Variants in CCDC178 observed in about 807,000 individuals in gnomAD.
The protein encoded by CCDC178 is coiled-coil domain containing 178.
CCDC178 carries 126 observed loss-of-function variants against 117.4 expected under a neutral mutation model. The ratio of observed to expected loss-of-function variants is 1.07; its 90% CI spans 0.93 to 1.24. The LOEUF is 1.24. Ranked by LOEUF, CCDC178 falls within the 50% of genes most tolerant of loss-of-function variation. CCDC178 has a pLI of 0.00. For synonymous variants in CCDC178, 283 were observed against 313.4 expected, an observed-to-expected ratio of 0.90 and a Z score of 1.02; for missense variants, 1,030 against 986.9, an observed-to-expected ratio of 1.04 and a Z score of -0.59.
intron 3 of CCDC178, among the ~76,000 whole-genome samples, chr18:33,403,037 TCACC>T (rs1480402148): frequency 6.6e-6 from 1 of 152,168 alleles, no homozygotes; most frequent in Non-Finnish European, 1.5e-5. Flanking sequence ...GTCTCATCTC[TCACC>T]CATATAACCA....
intron 21 of CCDC178, among the ~76,000 whole-genome samples, chr18:33,076,104 T>C (rs1212212676): frequency 6.6e-6 from 1 of 152,248 alleles, no homozygotes; most frequent in Non-Finnish European, 1.5e-5. Context: ...TTCTTTATTC[T>C]TGAAATTTAT....
At chr18:33,086,784 T>C (rs1314600548) in intron 21 of CCDC178, among the ~76,000 whole-genome samples, 1 of 152,054 alleles carries the variant, frequency 6.6e-6, no homozygotes, top group African/African-American at 2.4e-5. Context: ...CTCAGCTCTA[T>C]TGACATTTGG....
chr18:33,388,134 T>C (rs2063519556), intron 5 of CCDC178, among the ~76,000 whole-genome samples: 1 of 152,044 alleles, frequency 6.6e-6, no homozygotes, highest in Admixed American at 6.6e-5. Context: ...CACTGATCAT[T>C]AGAGAAATGC....
At chr18:33,148,294 C>T (rs911767571) in intron 20 of CCDC178, among the ~76,000 whole-genome samples, 7 of 152,154 alleles carry the variant, frequency 4.6e-5, no homozygotes, top group African/African-American at 1.2e-4. Flanking sequence ...CGTGGCGGCG[C>T]GTGCCTGCAA....
chr18:33,073,888 G>A (rs929506442), intron 21 of CCDC178, among the ~76,000 whole-genome samples: 1 of 152,130 alleles, frequency 6.6e-6, no homozygotes, highest in African/African-American at 2.4e-5. Context: ...TGGGAAGGCT[G>A]CTCTAAGGAA....
intron 20 of CCDC178, among the ~76,000 whole-genome samples, chr18:33,149,343 C>T (rs2058313308): frequency 6.6e-6 from 1 of 152,114 alleles, no homozygotes. Flanking sequence ...TCAATTTGTA[C>T]CCCAAATTCC....
At chr18:33,253,578 G>A (rs992317942) in intron 14 of CCDC178, among the ~76,000 whole-genome samples, 1 of 151,826 alleles carries the variant, frequency 6.6e-6, no homozygotes, top group Non-Finnish European at 1.5e-5. Context: ...AAAGGAGAGA[G>A]TAAGAAGAAC....
chr18:33,211,923 T>C lies in CCDC178; in HGVS notation c.2211A>G (p.Val737=). Residue 737 remains valine (V), a synonymous_variant, in exon 20 of 23, where the codon GTA becomes GTG. Transcript: ENST00000383096. ...EDQRFRVLLA[V]RQKTLQDTQK... ...GGGTATCTTGAAGAGTTTTTTGTCTTACAGCAAGGAGCACTCTAAATCTCT... is the reference window on the plus strand; with the variant it reads ...GGGTATCTTGAAGAGTTTTTTGTCTCACAGCAAGGAGCACTCTAAATCTCT... The C allele has an allele frequency of 6.2e-7, 1 of 1,606,874 alleles. No homozygotes were observed. The highest frequency in any genetic ancestry group is 1.7e-5 in the Admixed American group (1 of 58,686).
intron 6 of CCDC178, among the ~76,000 whole-genome samples, chr18:33,366,702 A>T (rs1358418784): frequency 6.6e-6 from 1 of 152,022 alleles, no homozygotes; most frequent in African/African-American, 2.4e-5. Flanking sequence ...ATTATATGTA[A>T]CTGGGGTGAA....
intron 12 of CCDC178, among the ~76,000 whole-genome samples, chr18:33,286,624 T>A (rs2060101552): frequency 6.6e-6 from 1 of 152,268 alleles, no homozygotes; most frequent in South Asian, 2.1e-4. Flanking sequence ...ATGTTAGTAA[T>A]GTAAATTAGA....
chr18:33,297,846 C>T (rs948720163), intron 11 of CCDC178, among the ~76,000 whole-genome samples: 1 of 152,028 alleles, frequency 6.6e-6, no homozygotes, highest in Admixed American at 6.6e-5. Context: ...TGGAGACCAT[C>T]CTGGCTAACA....
intron 20 of CCDC178, among the ~76,000 whole-genome samples, chr18:33,104,537 T>A (rs2057677391): frequency 6.6e-6 from 1 of 151,772 alleles, no homozygotes; most frequent in South Asian, 2.1e-4. Flanking sequence ...GGTCCTCTTG[T>A]CACTCCTGAA....
intron 2 of CCDC178, among the ~76,000 whole-genome samples, chr18:33,420,914 AG>A (rs1402763732): frequency 6.6e-6 from 1 of 152,236 alleles, no homozygotes; most frequent in African/African-American, 2.4e-5. Context: ...CCTATATAAA[AG>A]AATATATCAC....
At chr18:33,283,625 A>T (rs998635286) in intron 12 of CCDC178, among the ~76,000 whole-genome samples, 1 of 152,204 alleles carries the variant, frequency 6.6e-6, no homozygotes, top group Non-Finnish European at 1.5e-5. Context: ...ACTTTTTAAA[A>T]GCTTACATGT....
At chr18:33,115,475 T>A (rs2057843713) in intron 20 of CCDC178, among the ~76,000 whole-genome samples, 1 of 152,096 alleles carries the variant, frequency 6.6e-6, no homozygotes, top group African/African-American at 2.4e-5. Context: ...CAAACTAGGA[T>A]CACTATAATG....
At chr18:33,381,376 A>T (rs1234178277) in intron 5 of CCDC178, among the ~76,000 whole-genome samples, 1 of 151,946 alleles carries the variant, frequency 6.6e-6, no homozygotes, top group Non-Finnish European at 1.5e-5. Context: ...TAACTTCCCT[A>T]CTCTGGTTTT....
rs190617710 is a variant in CCDC178 at position 32,997,155 on chromosome 18, T to G, written c.2389-22474A>C. Among the ~76,000 whole-genome samples the G allele has an allele frequency of 7.4e-4, 113 of 152,282 alleles. 1 individual carries two copies. Among genetic ancestry groups the G allele is most frequent in the Admixed American group, 2.2e-3 (33 of 15,294 alleles). ...TGGATTAAATAACCCTAGTACTATTTGTACTCTGTGTGTGGGGGTAGGATG... is the reference window on the plus strand; with the variant it reads ...TGGATTAAATAACCCTAGTACTATTGGTACTCTGTGTGTGGGGGTAGGATG... On this transcript the variant is annotated intron_variant, in intron 21 of 22. Coordinates refer to ENST00000383096, the MANE Select transcript of CCDC178 (RefSeq NM_001105528.4).
chr18:33,287,723 G>A (rs1205644610), intron 12 of CCDC178, among the ~76,000 whole-genome samples: 5 of 152,104 alleles, frequency 3.3e-5, no homozygotes, highest in African/African-American at 1.2e-4. Flanking sequence ...AGGTTGCAGT[G>A]AGCCCAGATC....
At chr18:33,085,338 C>T (rs1416896586) in intron 21 of CCDC178, among the ~76,000 whole-genome samples, 1 of 152,136 alleles carries the variant, frequency 6.6e-6, no homozygotes, top group East Asian at 1.9e-4. Context: ...CCGAGGCGGG[C>T]GGATCACGAG....
Sources: gnomAD v4.1 joint callset for allele counts (sites outside exome capture counted in the v4.1 genomes callset) on GRCh38, gnomAD v4.1.1 for gene constraint, MANE v1.5 for transcripts, NCBI Gene and HGNC (gene_info 2026-07-23, HGNC 2026-07-21) for gene names.